The following CDH13 variants were observed in gnomAD, a reference collection of about 807,000 sequenced individuals.
CDH13 encodes cadherin 13.
Under a neutral mutation model 63.8 loss-of-function variants are expected in CDH13, and 24 were observed. The ratio of observed to expected loss-of-function variants is 0.38; its 90% CI spans 0.27 to 0.53. The LOEUF (loss-of-function observed/expected upper bound fraction) is 0.53. CDH13 is among the 20% of genes least tolerant of loss of function. CDH13 has a pLI of 0.85. For synonymous variants in CDH13, 503 were observed against 355.3 expected, an observed-to-expected ratio of 1.42 and a Z score of -4.67; for missense variants, 1,049 against 903.1, an observed-to-expected ratio of 1.16 and a Z score of -2.07.
chr16:83,776,919 C>T (rs1310424831), intron 11 of CDH13, among the ~76,000 whole-genome samples: 1 of 151,282 alleles, frequency 6.6e-6, no homozygotes, highest in African/African-American at 2.4e-5. Context: ...GTGTTGATGA[C>T]TTCCCAACCC....
rs183768327 is a variant in CDH13 at position 83,266,323 on chromosome 16, A to T, written c.636+48826A>T. Among the ~76,000 whole-genome samples the T allele has an allele frequency of 3.3e-3, 502 of 152,342 alleles. 4 individuals are homozygous for T. The highest frequency in any genetic ancestry group is 0.011 in the African/African-American group (467 of 41,576). ...GGTTTCACTGGATTTAAGCACTGAC[A>T]TGAGGCCAAGACCATAGCTCCTTCC... On this transcript the variant is annotated intron_variant, in intron 5 of 13. Transcript: ENST00000567109.
At chr16:83,517,446 C>T (rs967266686) in intron 7 of CDH13, among the ~76,000 whole-genome samples, 2 of 152,206 alleles carry the variant, frequency 1.3e-5, no homozygotes, top group Non-Finnish European at 2.9e-5. Context: ...TCCAGGCTGA[C>T]AGAGGCTCTG....
At chr16:82,876,031 T>G (rs926523491) in intron 2 of CDH13, among the ~76,000 whole-genome samples, 20 of 152,354 alleles carry the variant, frequency 1.3e-4, no homozygotes, top group Admixed American at 9.1e-4. Flanking sequence ...GGGGAACTCC[T>G]CTTTTTAAAA....
chr16:83,751,441 A>AT (rs1913075272), intron 11 of CDH13, among the ~76,000 whole-genome samples: 2 of 150,410 alleles, frequency 1.3e-5, no homozygotes, highest in Middle Eastern at 3.4e-3. Flanking sequence ...CTAAAAAAAA[A>AT]ATATACCTCC....
intron 1 of CDH13, among the ~76,000 whole-genome samples, chr16:82,652,873 G>C (rs920565800): frequency 2.6e-5 from 4 of 152,146 alleles, no homozygotes; most frequent in Admixed American, 1.3e-4. Flanking sequence ...ACAAAGACCA[G>C]AAGAAAATCA....
chr16:82,647,568 T>C (rs1910243074), intron 1 of CDH13, among the ~76,000 whole-genome samples: 2 of 152,170 alleles, frequency 1.3e-5, no homozygotes, highest in Admixed American at 6.5e-5. Context: ...GTGGAATACC[T>C]GCTTCCAAGC....
intron 2 of CDH13, among the ~76,000 whole-genome samples, chr16:82,862,115 C>G (rs1327556897): frequency 6.6e-6 from 1 of 152,190 alleles, no homozygotes; most frequent in African/African-American, 2.4e-5. Context: ...AGGCCTGGCA[C>G]CCATATCTCC....
chr16:83,773,597 G>A (rs573052099), intron 11 of CDH13, among the ~76,000 whole-genome samples: 14 of 152,252 alleles, frequency 9.2e-5, no homozygotes, highest in Middle Eastern at 3.4e-3. Context: ...TCAATATGTG[G>A]GGATTACAAT....
intron 2 of CDH13, among the ~76,000 whole-genome samples, chr16:82,998,072 G>T (rs1449657024): frequency 1.3e-5 from 2 of 152,172 alleles, no homozygotes; most frequent in African/African-American, 4.8e-5. Flanking sequence ...CAGAGTTGGT[G>T]ACCAGCTCAA....
At chr16:83,670,293 G>C (rs949075288) in intron 8 of CDH13, among the ~76,000 whole-genome samples, 5 of 152,216 alleles carry the variant, frequency 3.3e-5, no homozygotes, top group Non-Finnish European at 7.3e-5. Flanking sequence ...AGGCAAGGCT[G>C]CGAGAACAAA....
At chr16:83,380,364 G>A (rs958166774) in intron 6 of CDH13, among the ~76,000 whole-genome samples, 1 of 152,054 alleles carries the variant, frequency 6.6e-6, no homozygotes, top group Non-Finnish European at 1.5e-5. Flanking sequence ...GAAGAAGGAA[G>A]GTAACCATCA....
At chr16:82,960,947 C>A (rs896482862) in intron 2 of CDH13, among the ~76,000 whole-genome samples, 3 of 152,142 alleles carry the variant, frequency 2.0e-5, no homozygotes, top group Non-Finnish European at 4.4e-5. Context: ...AAGGGTAATA[C>A]AAAATATGGA....
chr16:83,173,655 A>G (rs2038011731), intron 4 of CDH13, among the ~76,000 whole-genome samples: 1 of 152,102 alleles, frequency 6.6e-6, no homozygotes, highest in Non-Finnish European at 1.5e-5. Flanking sequence ...GGCGTTCTGT[A>G]TTTTTATTTG....
At chr16:83,541,011 A>G (rs1044750407) in intron 7 of CDH13, among the ~76,000 whole-genome samples, 1 of 152,184 alleles carries the variant, frequency 6.6e-6, no homozygotes, top group Admixed American at 6.5e-5. Flanking sequence ...GAAAAGATGT[A>G]GAAATTGTCT....
chr16:83,354,168 A>C (rs182294501), intron 6 of CDH13, among the ~76,000 whole-genome samples: 1 of 152,320 alleles, frequency 6.6e-6, no homozygotes. Context: ...AGCAAAAGTG[A>C]AAAAGTCCTT....
intron 11 of CDH13, among the ~76,000 whole-genome samples, chr16:83,755,993 A>G (rs1434549047): frequency 6.6e-6 from 1 of 152,268 alleles, no homozygotes; most frequent in Non-Finnish European, 1.5e-5. Flanking sequence ...GTGAGAGGCT[A>G]TAAACATAGT....
chr16:83,287,556 G>A (rs970952392), intron 5 of CDH13, among the ~76,000 whole-genome samples: 1 of 152,150 alleles, frequency 6.6e-6, no homozygotes, highest in African/African-American at 2.4e-5. Flanking sequence ...TGCTCCTTAT[G>A]AGAATCTAAT....
In CDH13 at chr16:83,217,512, C is replaced by T; in HGVS notation, c.636+15C>T. 6.2e-7 allele frequency: 1 copy of T among 1,607,240 alleles called. No homozygotes were observed. The highest frequency in any genetic ancestry group is 1.1e-5 in the South Asian group (1 of 90,476). ...CTGTTTATCAAGTGAGTACCCCTCT[C>T]CCATGCCCACCCTGTGCGCAGAAAT... is the stretch of plus-strand genomic sequence containing the variant. On this transcript the variant is annotated intron_variant, in intron 5 of 13. Coordinates refer to ENST00000567109, the MANE Select transcript of CDH13 (RefSeq NM_001257.5).
At chr16:83,460,364 C>A (rs553026138) in intron 6 of CDH13, among the ~76,000 whole-genome samples, 40 of 152,306 alleles carry the variant, frequency 2.6e-4, no homozygotes, top group Non-Finnish European at 4.3e-4. Flanking sequence ...GATGTGTAAC[C>A]TATCCCTAAG....
Sources: allele counts gnomAD v4.1 joint callset (sites outside exome capture counted in the v4.1 genomes callset), GRCh38; gene constraint gnomAD v4.1.1; transcripts MANE v1.5; gene names NCBI Gene and HGNC (gene_info 2026-07-23, HGNC 2026-07-21).